RGS6: variants seen among roughly 807,000 people sequenced by gnomAD.
RGS6 encodes regulator of G protein signaling 6, also known as regulator of G-protein signaling 6.
RGS6 carries 30 observed loss-of-function variants against 78.5 expected under a neutral mutation model. The observed-to-expected ratio is 0.38, with a 90% confidence interval of 0.29 to 0.52. RGS6 has a LOEUF of 0.52. RGS6 is among the 20% of genes least tolerant of loss of function. The pLI, the probability that RGS6 is intolerant of heterozygous loss-of-function variation, is 0.85. For synonymous variants in RGS6, 206 were observed against 206.0 expected, an observed-to-expected ratio of 1.00 and a Z score of 0.00; for missense variants, 495 against 609.7, an observed-to-expected ratio of 0.81 and a Z score of 1.98.
At chr14:72,543,953 C>G (rs1203184237) in intron 17 of RGS6, among the ~76,000 whole-genome samples, 1 of 152,228 alleles carries the variant, frequency 6.6e-6, no homozygotes, top group Non-Finnish European at 1.5e-5. Flanking sequence ...CCAGGCTGTT[C>G]TCAAACTCCT....
chr14:71,948,610 T>G (rs1024361925), intron 1 of RGS6, among the ~76,000 whole-genome samples: 40 of 152,322 alleles, frequency 2.6e-4, no homozygotes, highest in Non-Finnish European at 5.7e-4. Flanking sequence ...ACATCCATGT[T>G]ATCTCTCTGA....
intron 2 of RGS6, among the ~76,000 whole-genome samples, chr14:72,289,652 T>C (rs2063227474): frequency 6.6e-6 from 1 of 152,176 alleles, no homozygotes; most frequent in African/African-American, 2.4e-5. Flanking sequence ...GCCCGATACC[T>C]CTCTGCTATC....
chr14:72,387,999 C>A (rs1220254115), intron 3 of RGS6, among the ~76,000 whole-genome samples: 1 of 152,186 alleles, frequency 6.6e-6, no homozygotes, highest in Non-Finnish European at 1.5e-5. Flanking sequence ...CAGGCATACC[C>A]TGATGACCTC....
At chr14:72,063,347 A>G (rs1338139326) in intron 2 of RGS6, among the ~76,000 whole-genome samples, 1 of 152,258 alleles carries the variant, frequency 6.6e-6, no homozygotes, top group East Asian at 1.9e-4. Flanking sequence ...AAATGAAAAT[A>G]CTACTGAGAG....
At chr14:72,192,392 A>G (rs1011548594) in intron 2 of RGS6, among the ~76,000 whole-genome samples, 12 of 152,150 alleles carry the variant, frequency 7.9e-5, no homozygotes, top group African/African-American at 2.7e-4. Context: ...GAGGAAAGTG[A>G]CTCTCAGAGA....
At chr14:71,916,899 C>T in the RGS6 span, among the ~76,000 whole-genome samples, 2 of 152,146 alleles carry the variant, frequency 1.3e-5, no homozygotes, top group Non-Finnish European at 2.9e-5. Flanking sequence ...AAGGAGCTGC[C>T]CAGCTGATTC....
At position 72,295,857 on chromosome 14, in the gene RGS6, G is replaced by C. The variant is rs149145681; in HGVS notation, c.85-56238G>C. ...CATTTAAAGATCTGGATAGAAGTTTGTTTCAGTTATTTGTTTGTTTTGAGG... is the reference window on the plus strand; with the variant it reads ...CATTTAAAGATCTGGATAGAAGTTTCTTTCAGTTATTTGTTTGTTTTGAGG... On this transcript the variant is annotated intron_variant, in intron 2 of 17. Transcript: ENST00000553525. Among the ~76,000 whole-genome samples, 461 of 152,320 alleles carry C rather than the reference G, an allele frequency of 3.0e-3. 2 individuals carry two copies. The highest frequency in any genetic ancestry group is 0.01 in the African/African-American group (428 of 41,576).
At chr14:72,020,202 C>A (rs2088083026) in intron 2 of RGS6, among the ~76,000 whole-genome samples, 1 of 152,206 alleles carries the variant, frequency 6.6e-6, no homozygotes, top group African/African-American at 2.4e-5. Flanking sequence ...GGTCTCCCAG[C>A]TAAGTGAGCT....
chr14:71,935,206 A>C (rs139288896), intron 1 of RGS6, among the ~76,000 whole-genome samples: 12 of 152,362 alleles, frequency 7.9e-5, no homozygotes, highest in African/African-American at 2.6e-4. Flanking sequence ...TGATATGGAT[A>C]TAATATTTCA....
intron 2 of RGS6, among the ~76,000 whole-genome samples, chr14:72,331,415 A>G (rs954910390): frequency 3.3e-5 from 5 of 152,186 alleles, no homozygotes; most frequent in Non-Finnish European, 7.4e-5. Flanking sequence ...GCTTTACAGT[A>G]TGGGAATGCC....
intron 2 of RGS6, among the ~76,000 whole-genome samples, chr14:72,321,068 T>C (rs2071856989): frequency 6.6e-6 from 1 of 151,620 alleles, no homozygotes; most frequent in Non-Finnish European, 1.5e-5. Context: ...AACCAATGTT[T>C]AGTGCCTATT....
intron 2 of RGS6, among the ~76,000 whole-genome samples, chr14:72,073,109 C>T (rs991837531): frequency 2.0e-5 from 3 of 152,122 alleles, no homozygotes; most frequent in Non-Finnish European, 2.9e-5. Context: ...GATGTGTGGC[C>T]TTAGTTAAGT....
the RGS6 span, among the ~76,000 whole-genome samples, chr14:72,623,067 G>A: frequency 6.6e-6 from 1 of 152,170 alleles, no homozygotes; most frequent in African/African-American, 2.4e-5. Flanking sequence ...AAGCAAGATG[G>A]AGAAAACATA....
intron 2 of RGS6, among the ~76,000 whole-genome samples, chr14:72,249,815 C>G (rs1460739407): frequency 1.3e-5 from 2 of 151,826 alleles, no homozygotes; most frequent in African/African-American, 4.8e-5. Flanking sequence ...GCATTATTCA[C>G]AATAGCAAAG....
intron 2 of RGS6, among the ~76,000 whole-genome samples, chr14:72,054,946 C>A (rs557364159): frequency 6.6e-6 from 1 of 152,256 alleles, no homozygotes; most frequent in South Asian, 2.1e-4. Context: ...GCTGTCATTG[C>A]TGTGTAGTAT....
chr14:72,584,879 G>A, the RGS6 span, among the ~76,000 whole-genome samples: 1 of 152,134 alleles, frequency 6.6e-6, no homozygotes. Context: ...AATGAAGCAG[G>A]CAAGTATAAG....
intron 2 of RGS6, among the ~76,000 whole-genome samples, chr14:72,299,491 T>C (rs71427154): frequency 2.1e-4 from 32 of 152,350 alleles, no homozygotes; most frequent in Non-Finnish European, 4.0e-4. Flanking sequence ...CTTGGGAATA[T>C]ACCTAGGGGA....
rs796505056 is a variant in RGS6 at position 72,431,574 on chromosome 14, G to A, written c.185-22954G>A. On this transcript the variant is annotated intron_variant, in intron 3 of 17. Coordinates refer to ENST00000553525, the MANE Select transcript of RGS6 (RefSeq NM_001204424.2). ...ATTTTATTTTATTTTAGTAGACACG[G>A]GATTTCACCATGTTTCCCAGGCTGG... Among the ~76,000 whole-genome samples, 3 of 124,568 alleles carry A rather than the reference G, an allele frequency of 2.4e-5. No individual in the cohort carries two copies. The South Asian group carries it at 7.8e-4, about 32-fold the overall frequency. The allele number at this position is 124,568 out of a possible 152,430, so 81.7% of individuals were successfully genotyped here. A position where few individuals can be genotyped will look rare whatever the true frequency, so the allele number is the denominator to read the frequency against.
intron 2 of RGS6, among the ~76,000 whole-genome samples, chr14:72,087,742 G>C (rs1294092471): frequency 6.6e-6 from 1 of 151,844 alleles, no homozygotes; most frequent in Admixed American, 6.6e-5. Flanking sequence ...CTAAATCATG[G>C]ATTCGCAATT....
Sources: allele counts gnomAD v4.1 joint callset (sites outside exome capture counted in the v4.1 genomes callset), GRCh38; gene constraint gnomAD v4.1.1; transcripts MANE v1.5; gene names NCBI Gene and HGNC (gene_info 2026-07-23, HGNC 2026-07-21).